Variants in MTMR7 observed in about 807,000 individuals in gnomAD.
MTMR7 encodes the protein myotubularin related protein 7.
Under a neutral mutation model 81.2 loss-of-function variants are expected in MTMR7, and 76 were observed. The ratio of observed to expected loss-of-function variants is 0.94; its 90% CI spans 0.78 to 1.13. MTMR7 has a LOEUF of 1.13. Ranked by LOEUF, MTMR7 falls within the 50% of genes most tolerant of loss-of-function variation. The pLI is 0.00. For missense variants in MTMR7, 1,044 were observed against 820.0 expected (o/e 1.27, Z -3.34); for synonymous variants, 372 against 289.8 (o/e 1.28, Z -2.88).
rs766971895 is a variant in MTMR7 at position 17,302,238 on chromosome 8, C to A, written c.1536G>T (p.Gln512His). The change falls in exon 13 of 14, where the codon CAG (glutamine) becomes CAT (histidine). Residue 512 changes from glutamine (Q) to histidine (H), a missense_variant. By Grantham distance (24) the Gln-to-His change is conservative. Transcript: ENST00000180173. ...GMYNRFEKGM[Q>H]PRQSVTDYLM... ...GGTAATCTGTAACTGACTGTCGGGG[C>A]TGCATCCCCTTTTCAAAGCGGTTAT... 6.2e-6 allele frequency: 10 copies of A among 1,614,060 alleles called. No homozygotes were observed. In the East Asian group the frequency reaches 2.0e-4, roughly 32 times the overall value.
At chr8:17,365,599 G>A (rs189121713) in intron 3 of MTMR7, among the ~76,000 whole-genome samples, 14 of 152,228 alleles carry the variant, frequency 9.2e-5, no homozygotes, top group African/African-American at 1.7e-4. Context: ...GAAGTGCAAC[G>A]AAGGCCTCAC....
intron 3 of MTMR7, among the ~76,000 whole-genome samples, chr8:17,365,124 C>T (rs563025897): frequency 2.6e-5 from 4 of 152,252 alleles, no homozygotes; most frequent in African/African-American, 9.6e-5. Flanking sequence ...AGTTGTGAGG[C>T]GATACCTCAC....
chr8:17,311,749 AC>A, intron 8 of MTMR7, 113 bp from the exon 9 acceptor site: 1 of 1,506,500 alleles, frequency 6.6e-7, no homozygotes, highest in Non-Finnish European at 9.0e-7. Flanking sequence ...CCAAAACGAA[AC>A]ACCTGTCCAT....
At chr8:17,410,151 T>A (rs1445217464) in intron 1 of MTMR7, among the ~76,000 whole-genome samples, 1 of 150,592 alleles carries the variant, frequency 6.6e-6, no homozygotes, top group Non-Finnish European at 1.5e-5. Context: ...CAAAAAAAAA[T>A]AAATCAGGAG....
intron 11 of MTMR7, 84 bp from the exon 12 acceptor site, chr8:17,304,603 C>G (rs62498843): frequency 7.0e-7 from 1 of 1,436,332 alleles, no homozygotes; most frequent in Admixed American, 1.9e-5. Context: ...TGGAAAGGAA[C>G]TAATAATTGT....
At chr8:17,346,293 G>GT (rs1819549232) in intron 5 of MTMR7, 1 of 152,216 alleles carries the variant, frequency 6.6e-6, no homozygotes, top group Non-Finnish European at 1.5e-5. Context: ...GGGCGGGCAG[G>GT]TGTGTGCTCA....
intron 6 of MTMR7, among the ~76,000 whole-genome samples, chr8:17,340,241 C>T (rs1819365323): frequency 1.3e-5 from 2 of 152,262 alleles, no homozygotes; most frequent in African/African-American, 4.8e-5. Context: ...GCACAAGCCA[C>T]TGCGCCCAGC....
rs1477569257 is a variant in MTMR7, at chr8:17,355,234, G to C, written c.468+5883C>G. On this transcript the variant is annotated intron_variant, in intron 4 of 13. Transcript: ENST00000180173. ...TATCCAATTTTCTTTACTAAACTTG[G>C]ATTTTCCTTTCTTTCAAGGCTAAAA... Among the ~76,000 whole-genome samples, 3 of 152,068 alleles carry C rather than the reference G, an allele frequency of 2.0e-5. No homozygotes were observed. The East Asian group carries it at 5.8e-4, about 29-fold the overall frequency.
intron 1 of MTMR7, among the ~76,000 whole-genome samples, chr8:17,384,696 G>T (rs766025637): frequency 6.6e-6 from 1 of 152,134 alleles, no homozygotes; most frequent in Non-Finnish European, 1.5e-5. Flanking sequence ...AATTTAAAAA[G>T]AAAGCACTTT....
intron 1 of MTMR7, among the ~76,000 whole-genome samples, chr8:17,399,251 A>C (rs1209525626): frequency 6.6e-6 from 1 of 152,208 alleles, no homozygotes; most frequent in African/African-American, 2.4e-5. Flanking sequence ...CTCCACCAAA[A>C]AACGATTCAA....
Position 17,311,577 on chromosome 8 carries a change from G to A in MTMR7, c.1035C>T (p.Thr345=), listed in dbSNP as rs144380272. Reference sequence around the variant, plus strand: ...GGCTTGCCACCGAGCACACCTGAGCGGTCCTGTCCCAGCCATCAGAACAGT... The same window carrying A: ...GGCTTGCCACCGAGCACACCTGAGCAGTCCTGTCCCAGCCATCAGAACAGT... The part of the protein sequence containing the change: ...LVHCSDGWDR[T]AQVCSVASLL... Residue 345 remains threonine, a synonymous_variant, in exon 9 of 14, where the codon ACC becomes ACT. Transcript: ENST00000180173. 42 of 1,613,994 alleles carry A rather than the reference G, an allele frequency of 2.6e-5. No individual in the cohort carries two copies. The highest frequency in any genetic ancestry group is 1.3e-4 in the African/African-American group (10 of 74,880).
chr8:17,366,722 T>C (rs1181685323), intron 3 of MTMR7, among the ~76,000 whole-genome samples: 4 of 151,762 alleles, frequency 2.6e-5, no homozygotes, highest in Non-Finnish European at 5.9e-5. Context: ...CTGTCTCTAC[T>C]AAAAATACAA....
At chr8:17,388,974 G>T (rs1431987149) in intron 1 of MTMR7, among the ~76,000 whole-genome samples, 6 of 152,126 alleles carry the variant, frequency 3.9e-5, no homozygotes, top group African/African-American at 1.2e-4. Context: ...CCCACTCTGG[G>T]AAATGAGTAT....
intron 11 of MTMR7, among the ~76,000 whole-genome samples, chr8:17,305,500 C>T (rs1019690128): frequency 6.6e-6 from 1 of 152,020 alleles, no homozygotes; most frequent in African/African-American, 2.4e-5. Context: ...AATTCCCTTT[C>T]GATATTCATG....
intron 4 of MTMR7, among the ~76,000 whole-genome samples, chr8:17,358,128 A>G (rs1269595251): frequency 6.6e-6 from 1 of 152,200 alleles, no homozygotes; most frequent in Non-Finnish European, 1.5e-5. Context: ...TTTTACCGCA[A>G]AAAAGATTTT....
intron 6 of MTMR7, among the ~76,000 whole-genome samples, chr8:17,335,567 C>T (rs762412099): frequency 1.3e-5 from 2 of 152,166 alleles, no homozygotes; most frequent in Non-Finnish European, 2.9e-5. Context: ...GGGAAATGAC[C>T]GTACAAGCTG....
chr8:17,321,815 T>C (rs1207104887), intron 7 of MTMR7, among the ~76,000 whole-genome samples: 3 of 152,180 alleles, frequency 2.0e-5, no homozygotes, highest in Non-Finnish European at 2.9e-5. Flanking sequence ...ATTTGTTTTA[T>C]ATAAAAGGAC....
chr8:17,341,352 G>C lies in MTMR7; in HGVS notation c.732+11C>G. The C allele has an allele frequency of 6.2e-7, 1 of 1,613,806 alleles. No homozygotes were observed. The highest frequency in any genetic ancestry group is 8.5e-7 in the Non-Finnish European group (1 of 1,179,746). ...AGGTGCAAAGACATGCATCGCAACG[G>C]TGACACTTACTTTAGGCCGGGTGTC... On this transcript the variant is annotated intron_variant, in intron 6 of 13. Coordinates refer to ENST00000180173, the MANE Select transcript of MTMR7 (RefSeq NM_004686.5).
At chr8:17,391,677 C>T (rs968697831) in intron 1 of MTMR7, among the ~76,000 whole-genome samples, 1 of 152,124 alleles carries the variant, frequency 6.6e-6, no homozygotes, top group Non-Finnish European at 1.5e-5. Flanking sequence ...GTACCTTGTT[C>T]TAAGTAATGT....
Sources: allele counts gnomAD v4.1 joint callset (sites outside exome capture counted in the v4.1 genomes callset), GRCh38; gene constraint gnomAD v4.1.1; transcripts MANE v1.5; gene names NCBI Gene and HGNC (gene_info 2026-07-23, HGNC 2026-07-21).